The following ADPRHL1 variants were observed in gnomAD, a reference collection of about 807,000 sequenced individuals.
The protein encoded by ADPRHL1 is inactive ADP-ribosyltransferase ARH2.
A neutral mutation model predicts 44.1 loss-of-function variants in ADPRHL1; 43 were observed. That is an observed-to-expected ratio of 0.98 (90% CI 0.76 to 1.26). The LOEUF is 1.26. Ranked by LOEUF, ADPRHL1 falls within the 50% of genes most tolerant of loss-of-function variation. ADPRHL1 has a pLI of 0.00. For synonymous variants in ADPRHL1, 878 were observed against 1,017.4 expected (o/e 0.86, Z 2.61); for missense variants, 2,022 against 2,496.9 (o/e 0.81, Z 4.05).
chr13:113,418,930 G>T (rs1438582120), intron 7 of ADPRHL1, among the ~76,000 whole-genome samples: 3 of 87,612 alleles, frequency 3.4e-5, no homozygotes, highest in Non-Finnish European at 4.7e-5. Flanking sequence ...AACCCCTGGG[G>T]AGCTACACCT....
chr13:113,440,675 G>A (rs944600889), intron 2 of ADPRHL1, among the ~76,000 whole-genome samples: 2 of 152,016 alleles, frequency 1.3e-5, no homozygotes, highest in African/African-American at 4.8e-5. Context: ...GGCTGGTCTC[G>A]AACTCCTGAC....
At chr13:113,448,462 T>TC (rs1296885970) in intron 1 of ADPRHL1, among the ~76,000 whole-genome samples, 5 of 41,708 alleles carry the variant, frequency 1.2e-4, no homozygotes, top group Non-Finnish European at 1.8e-4. Flanking sequence ...TGAGACTATG[T>TC]CCCAAAAAAA....
At chr13:113,429,231 G>A (rs1360040307) in intron 3 of ADPRHL1, 139 bp from the exon 4 acceptor site, 15 of 1,178,364 alleles carry the variant, frequency 1.3e-5, no homozygotes, top group Admixed American at 2.3e-5. Flanking sequence ...TGCACAGTTC[G>A]GCGGCATTAA....
intron 7 of ADPRHL1, among the ~76,000 whole-genome samples, chr13:113,418,676 T>C (rs545004086): frequency 1.1e-4 from 17 of 152,220 alleles, no homozygotes; most frequent in East Asian, 5.8e-4. Flanking sequence ...TCAGCCACGA[T>C]TGGAACTCTC....
chr13:113,438,932 T>C (rs904021484), intron 2 of ADPRHL1, among the ~76,000 whole-genome samples: 32 of 152,344 alleles, frequency 2.1e-4, no homozygotes, highest in African/African-American at 6.0e-4. Flanking sequence ...TTGCAAATAT[T>C]TTCTCCCAGC....
intron 1 of ADPRHL1, among the ~76,000 whole-genome samples, chr13:113,452,733 G>A (rs1396927490): frequency 6.6e-6 from 1 of 152,136 alleles, no homozygotes; most frequent in Non-Finnish European, 1.5e-5. Context: ...TTAATTCATT[G>A]GAATTTAGAA....
chr13:113,448,330 C>T (rs1276803949), intron 1 of ADPRHL1, among the ~76,000 whole-genome samples: 2 of 151,726 alleles, frequency 1.3e-5, no homozygotes, highest in Non-Finnish European at 2.9e-5. Flanking sequence ...CCCGTCTCTA[C>T]TAAAAATACA....
chr13:113,413,836 C>T (rs2043873071), intron 7 of ADPRHL1, among the ~76,000 whole-genome samples: 1 of 152,226 alleles, frequency 6.6e-6, no homozygotes, highest in Non-Finnish European at 1.5e-5. Context: ...ATGTCTTCCT[C>T]CCAGGGGCCA....
Position 113,403,207 on chromosome 13 carries a change from A to G in ADPRHL1, c.*171T>C, listed in dbSNP as rs1223622450. 2 of 555,274 alleles carry G rather than the reference A, an allele frequency of 3.6e-6. No individual in the cohort carries two copies. Among genetic ancestry groups the G allele is most frequent in the African/African-American group, 1.9e-5 (1 of 51,282 alleles). The allele number at this position is 555,274 out of a possible 1,614,324, so 34.4% of individuals were successfully genotyped here. A position where few individuals can be genotyped will look rare whatever the true frequency, so the allele number is the denominator to read the frequency against. ...GTGGGGTGACAGGAACCCGACCCAC[A>G]TGTAGCTCAATCCTCCCAAGGTCAG... On this transcript the variant is annotated 3_prime_UTR_variant, in exon 8 of 8. Coordinates refer to ENST00000612156, the MANE Select transcript of ADPRHL1 (RefSeq NM_001394807.1).
In ADPRHL1 at chr13:113,404,934, A is replaced by G; in HGVS notation, c.4348T>C (p.Trp1450Arg). The G allele has an allele frequency of 8.1e-7, 1 of 1,242,030 alleles. No individual in the cohort carries two copies. Among genetic ancestry groups the G allele is most frequent in the Non-Finnish European group, 1.0e-6 (1 of 994,806 alleles). 76.9% of individuals were successfully genotyped at this position (1,242,030 alleles called of 1,614,324 possible). ...DQGQQHLQGP[W>R]EERGRSTAWG... is the part of the protein sequence containing the mutation. Reference sequence around the variant, plus strand: ...GCCGTGCTCCGCCCCCGCTCCTCCCAGGGTCCCTGCAGATGCTGCTGACCT... The same window carrying G: ...GCCGTGCTCCGCCCCCGCTCCTCCCGGGGTCCCTGCAGATGCTGCTGACCT... The change falls in exon 8 of 8, where the codon TGG becomes CGG. Residue 1450 changes from tryptophan to arginine, a missense_variant. Physicochemically the swap from Trp to Arg is moderately radical, Grantham distance 101. Around this residue, in one of 8 missense-constraint regions of ADPRHL1, gnomAD observed 1,221 missense variants for 1,517.8 expected, o/e 0.80. Transcript: ENST00000612156.
In ADPRHL1 at chr13:113,405,501, ACT is replaced by A. The variant is rs2043801387; in HGVS notation, c.3779_3780del (p.Glu1260ValfsTer7). On this transcript the variant is annotated frameshift_variant, in exon 8 of 8. Coordinates refer to ENST00000612156, the MANE Select transcript of ADPRHL1 (RefSeq NM_001394807.1). LOFTEE classifies it low-confidence loss of function (END_TRUNC). ...GGATGATCAGAAGCAGGAATTCCAG[ACT>A]CTGTGCTGAAACCCAAAAGGTTTCC... is the stretch of plus-strand genomic sequence containing the variant. ...VEGNLLGFSTESGIPASDHPR... is the reference protein window; with the variant it reads ...VEGNLLGFSTXSGIPASDHPR... 13 of 1,231,760 alleles carry A rather than the reference ACT, an allele frequency of 1.1e-5. No homozygotes were observed. The highest frequency in any genetic ancestry group is 3.2e-5 in the East Asian group (1 of 31,686). The allele number at this position is 1,231,760 out of a possible 1,614,324, so 76.3% of individuals were successfully genotyped here.
At position 113,444,606 on chromosome 13, in the gene ADPRHL1, G is replaced by A; in HGVS notation, c.215-17C>T. 6.2e-7 allele frequency: 1 copy of A among 1,611,188 alleles called. No homozygotes were observed. Among genetic ancestry groups the A allele is most frequent in the Non-Finnish European group, 8.5e-7 (1 of 1,177,970 alleles). On this transcript the variant is annotated splice_polypyrimidine_tract_variant and intron_variant, in intron 1 of 7. Transcript: ENST00000612156. ...ACCAGTAGTCTGCGGAAGAAAGGGA[G>A]GGCAGACATCAGAGCCAGCTGTGGT... is the stretch of plus-strand genomic sequence containing the variant.
chr13:113,407,533 CTTCCTCTGCAGG>C lies in ADPRHL1; in HGVS notation c.1737_1748del (p.Asn579_Arg582del). The C allele has an allele frequency of 2.4e-6, 3 of 1,232,272 alleles. No homozygotes were observed. The highest frequency in any genetic ancestry group is 3.0e-6 in the Non-Finnish European group (3 of 988,132). The allele number at this position is 1,232,272 out of a possible 1,614,324, so 76.3% of individuals were successfully genotyped here. A position where few individuals can be genotyped will look rare whatever the true frequency, so the allele number is the denominator to read the frequency against. ...CGCGCACCTCCGGCCGGTGCATCCTCTTCCTCTGCAGGTTCCTCTTCTTCCGCTCCTGCGTGT... is the reference window on the plus strand; with the variant it reads ...CGCGCACCTCCGGCCGGTGCATCCTCTTCCTCTTCTTCCGCTCCTGCGTGT... On this transcript the variant is annotated inframe_deletion, in exon 8 of 8. Coordinates refer to ENST00000612156, the MANE Select transcript of ADPRHL1 (RefSeq NM_001394807.1).
At chr13:113,452,124 GTC>G (rs1470174955) in intron 1 of ADPRHL1, among the ~76,000 whole-genome samples, 2 of 152,222 alleles carry the variant, frequency 1.3e-5, no homozygotes, top group Non-Finnish European at 2.9e-5. Context: ...TCCCACAGGT[GTC>G]TGTGTGTGGG....
rs143728181 is a variant in ADPRHL1, at chr13:113,441,768, G to A, written c.379+2657C>T. Among the ~76,000 whole-genome samples, 28 of 151,968 alleles carry A rather than the reference G, an allele frequency of 1.8e-4. No individual in the cohort carries two copies. The highest frequency in any genetic ancestry group is 1.2e-3 in the East Asian group (6 of 5,172). On this transcript the variant is annotated intron_variant, in intron 2 of 7. Coordinates refer to ENST00000612156, the MANE Select transcript of ADPRHL1 (RefSeq NM_001394807.1). This position sits in a 1 kb window ranked among gnomAD's most constrained non-coding sequence, Gnocchi z 6.0. ...TGGGTCCGTGTCTCTATCATGCTCC[G>A]CCCCGCCGTGTGGGTCTGTGTCTCT...
At chr13:113,421,432 CCCCATCCCTGGGACACG>C (rs1190052527) in intron 7 of ADPRHL1, among the ~76,000 whole-genome samples, 2 of 147,434 alleles carry the variant, frequency 1.4e-5, no homozygotes, top group African/African-American at 2.5e-5. Flanking sequence ...CTGGGGACAC[CCCCATCCCTGGGACACG>C]CCCATCCCCG....
chr13:113,419,717 C>G (rs1595541976), intron 7 of ADPRHL1, among the ~76,000 whole-genome samples: 1 of 152,098 alleles, frequency 6.6e-6, no homozygotes, highest in Non-Finnish European at 1.5e-5. Context: ...CAATGGAATA[C>G]TAGGCAGCAG....
At position 113,403,946 on chromosome 13, in the gene ADPRHL1, T is replaced by TGATCCCGAGCCC; in HGVS notation, c.5324_5335dup (p.Arg1775_Asp1778dup). ...CTCTATCTGGGTCTGCTCCCAGCCC[T>TGATCCCGAGCCC]GATCCCGAGCCCGATCCCGAGCCCA... On this transcript the variant is annotated inframe_insertion, in exon 8 of 8. Coordinates refer to ENST00000612156, the MANE Select transcript of ADPRHL1 (RefSeq NM_001394807.1). 2 of 1,296,000 alleles carry TGATCCCGAGCCC rather than the reference T, an allele frequency of 1.5e-6. No homozygotes were observed. Among genetic ancestry groups the TGATCCCGAGCCC allele is most frequent in the East Asian group, 3.1e-5 (1 of 32,120 alleles). The allele number at this position is 1,296,000 out of a possible 1,614,324, so 80.3% of individuals were successfully genotyped here.
intron 2 of ADPRHL1, among the ~76,000 whole-genome samples, chr13:113,440,905 C>A (rs2044093317): frequency 6.6e-6 from 1 of 152,128 alleles, no homozygotes; most frequent in Admixed American, 6.5e-5. Flanking sequence ...GTAATCCCAG[C>A]ATTTTGGGAG....
Sources: gnomAD v4.1 joint callset for allele counts (sites outside exome capture counted in the v4.1 genomes callset) on GRCh38, gnomAD v4.1.1 for gene constraint, gnomAD v4.1.1 regional missense constraint, Gnocchi (gnomAD v3.1) non-coding constraint, MANE v1.5 for transcripts, NCBI Gene and HGNC (gene_info 2026-07-23, HGNC 2026-07-21) for gene names.